NAA35: variants seen among roughly 807,000 people sequenced by gnomAD.
NAA35 encodes the protein N-alpha-acetyltransferase 35, NatC auxiliary subunit.
Under a neutral mutation model 101.7 loss-of-function variants are expected in NAA35, and 18 were observed. The observed-to-expected ratio is 0.18, with a 90% CI of 0.12 to 0.26. NAA35 has a LOEUF of 0.26. NAA35 is among the 10% of genes least tolerant of loss of function. The pLI is 1.00. For missense variants in NAA35, 601 were observed against 886.8 expected (o/e 0.68, Z 4.09); for synonymous variants, 267 against 273.1 (o/e 0.98, Z 0.22).
At chr9:85,952,936 C>T (rs984280022) in intron 2 of NAA35, among the ~76,000 whole-genome samples, 2 of 152,158 alleles carry the variant, frequency 1.3e-5, no homozygotes, top group Admixed American at 6.5e-5. Flanking sequence ...TTAGGCCAGG[C>T]GTGATGGCTC....
chr9:85,997,562 C>CT (rs780732359), intron 12 of NAA35, among the ~76,000 whole-genome samples: 2 of 151,968 alleles, frequency 1.3e-5, no homozygotes, highest in East Asian at 1.9e-4. Flanking sequence ...AGGCTGGTCT[C>CT]TAACTCCTGA....
chr9:85,977,842 C>T (rs137955007), intron 10 of NAA35, among the ~76,000 whole-genome samples: 2,928 of 152,088 alleles, frequency 0.019, 39 homozygotes, highest in Non-Finnish European at 0.031. Context: ...TAATTCAAGT[C>T]AATTACAGAT....
intron 6 of NAA35, among the ~76,000 whole-genome samples, chr9:85,963,798 C>A (rs1829626687): frequency 6.6e-6 from 1 of 152,106 alleles, no homozygotes; most frequent in South Asian, 2.1e-4. Context: ...ATTCCTTGAA[C>A]AACAGTGTGT....
intron 12 of NAA35, among the ~76,000 whole-genome samples, chr9:86,003,080 G>T (rs951696950): frequency 6.6e-6 from 1 of 152,168 alleles, no homozygotes. Flanking sequence ...CTGACTTCTT[G>T]TCTCTGGTTT....
chr9:85,980,195 A>G (rs1830376686), intron 11 of NAA35, among the ~76,000 whole-genome samples: 2 of 152,262 alleles, frequency 1.3e-5, no homozygotes, highest in South Asian at 4.1e-4. Flanking sequence ...TGGGTGTACT[A>G]TCTCCTAGGA....
At chr9:85,942,677 C>T (rs1828576261) in intron 2 of NAA35, among the ~76,000 whole-genome samples, 1 of 152,102 alleles carries the variant, frequency 6.6e-6, no homozygotes, top group South Asian at 2.1e-4. Flanking sequence ...TAAAATCCAC[C>T]CTCCTTCCCT....
At chr9:85,996,959 T>A (rs1489240475) in intron 12 of NAA35, among the ~76,000 whole-genome samples, 2 of 151,906 alleles carry the variant, frequency 1.3e-5, no homozygotes, top group Non-Finnish European at 2.9e-5. Context: ...TTTTTTAATT[T>A]TTTTTGTGGA....
intron 11 of NAA35, chr9:85,987,041 T>C (rs1830678883): frequency 6.5e-6 from 1 of 154,918 alleles, no homozygotes; most frequent in African/African-American, 2.4e-5. Flanking sequence ...GTTTACAAAC[T>C]AGTGTTGTAC....
At chr9:85,986,591 CT>C (rs980393569) in intron 11 of NAA35, 1,326 of 252,492 alleles carry the variant, frequency 5.3e-3, no homozygotes, top group East Asian at 0.011. Flanking sequence ...GGTGTCCAAT[CT>C]TTTTTTTTTG....
chr9:85,989,950 G>A (rs1473823279), intron 11 of NAA35, among the ~76,000 whole-genome samples: 1 of 152,232 alleles, frequency 6.6e-6, no homozygotes, highest in Non-Finnish European at 1.5e-5. Context: ...AACCAATGGC[G>A]ATAGAGATAA....
intron 6 of NAA35, among the ~76,000 whole-genome samples, chr9:85,968,458 C>T (rs934792421): frequency 2.4e-4 from 37 of 152,156 alleles, no homozygotes; most frequent in African/African-American, 8.7e-4. Flanking sequence ...GATCTGCCCA[C>T]CTCGGGCCTC....
At chr9:85,976,886 T>G in intron 9 of NAA35, 151 bp downstream of exon 9, 2 of 570,912 alleles carry the variant, frequency 3.5e-6, no homozygotes, top group Non-Finnish European at 6.0e-6. Flanking sequence ...CCCTTGTATT[T>G]ATTTTGATAG....
At chr9:85,952,771 C>T (rs1829077584) in intron 2 of NAA35, among the ~76,000 whole-genome samples, 1 of 152,150 alleles carries the variant, frequency 6.6e-6, no homozygotes, top group Non-Finnish European at 1.5e-5. Context: ...TTTAAGAAGT[C>T]AAGAACTAAA....
At chr9:85,945,991 TA>T (rs1828744581) in intron 2 of NAA35, among the ~76,000 whole-genome samples, 1 of 152,170 alleles carries the variant, frequency 6.6e-6, no homozygotes, top group African/African-American at 2.4e-5. Context: ...ACACATTCCT[TA>T]TAACTACTCT....
chr9:86,017,069 A>C (rs1458623870), intron 18 of NAA35, among the ~76,000 whole-genome samples: 7 of 152,270 alleles, frequency 4.6e-5, no homozygotes. Flanking sequence ...GGCATCACCC[A>C]AGAACCATGA....
intron 17 of NAA35, chr9:86,014,395 G>T: frequency 1.0e-6 from 1 of 977,926 alleles, no homozygotes; most frequent in Non-Finnish European, 1.2e-6. Flanking sequence ...CCTTTCACTT[G>T]CGGACAAAAT....
At chr9:85,959,642 G>C (rs902486041) in intron 4 of NAA35, 151 bp from the exon 5 acceptor site, 1 of 524,580 alleles carries the variant, frequency 1.9e-6, no homozygotes. Context: ...AGTTAATTTG[G>C]TGTGATAGTT....
Position 86,022,432 on chromosome 9 carries a change from CTT to C in NAA35, c.*473_*474del, listed in dbSNP as rs1174255742. On this transcript the variant is annotated 3_prime_UTR_variant, in exon 23 of 23. Coordinates refer to ENST00000361671, the MANE Select transcript of NAA35 (RefSeq NM_024635.4). ...TTCAAATCAAGGGATTAATTAAACA[CTT>C]GTATGAGATTTTGGTAAAATACATT... The C allele has an allele frequency of 2.0e-5, 3 of 152,510 alleles. No individual in the cohort carries two copies. Among genetic ancestry groups the C allele is most frequent in the African/African-American group, 7.2e-5 (3 of 41,426 alleles). The allele number at this position is 152,510 out of a possible 1,614,324, so 9.4% of individuals were successfully genotyped here. A position where few individuals can be genotyped will look rare whatever the true frequency, so the allele number is the denominator to read the frequency against.
chr9:85,994,819 G>T (rs1259084755), intron 11 of NAA35, among the ~76,000 whole-genome samples: 2 of 152,160 alleles, frequency 1.3e-5, no homozygotes, highest in Non-Finnish European at 1.5e-5. Flanking sequence ...TTATTTGATA[G>T]TACAGAAGGG....
Sources: allele counts gnomAD v4.1 joint callset (sites outside exome capture counted in the v4.1 genomes callset), GRCh38; gene constraint gnomAD v4.1.1; transcripts MANE v1.5; gene names NCBI Gene and HGNC (gene_info 2026-07-23, HGNC 2026-07-21).